Variants in CSMD1 observed in about 807,000 individuals in gnomAD.
CSMD1 encodes the protein CUB and sushi domain-containing protein 1.
CSMD1 carries 213 observed loss-of-function variants against 417.5 expected under a neutral mutation model. The observed-to-expected ratio is 0.51, with a 90% CI of 0.46 to 0.57. The LOEUF (loss-of-function observed/expected upper bound fraction) is 0.57. Among genes scored for constraint, CSMD1 ranks in the 20% least tolerant of loss-of-function variants. The pLI is 0.00. For missense variants in CSMD1, 6,923 were observed against 4,529.7 expected (o/e 1.53, Z -15.17); for synonymous variants, 2,862 against 1,736.8 (o/e 1.65, Z -16.11).
chr8:4,417,944 C>G (rs974114292), intron 3 of CSMD1, among the ~76,000 whole-genome samples: 1 of 152,046 alleles, frequency 6.6e-6, no homozygotes, highest in Non-Finnish European at 1.5e-5. Flanking sequence ...GCTATAAAAG[C>G]TCTCTTCTAC....
At chr8:3,175,330 C>G (rs1461908838) in intron 37 of CSMD1, among the ~76,000 whole-genome samples, 1 of 152,142 alleles carries the variant, frequency 6.6e-6, no homozygotes, top group Non-Finnish European at 1.5e-5. Flanking sequence ...CCACAAATCA[C>G]TGATTCAACC....
At chr8:3,825,553 G>C (rs1243747944) in intron 5 of CSMD1, among the ~76,000 whole-genome samples, 1 of 149,976 alleles carries the variant, frequency 6.7e-6, no homozygotes, top group Admixed American at 6.7e-5. Context: ...CAGGGGTGTG[G>C]GGCTGAGGGT....
intron 1 of CSMD1, among the ~76,000 whole-genome samples, chr8:4,641,954 A>AATCTACAGTTAATGTTGCAATACT (rs1563361633): frequency 6.6e-6 from 1 of 152,198 alleles, no homozygotes; most frequent in Non-Finnish European, 1.5e-5. Flanking sequence ...ACACTTTTCT[A>AATCTACAGTTAATGTTGCAATACT]ATCTACAGTT....
At chr8:4,959,698 G>A (rs1809350745) in intron 1 of CSMD1, among the ~76,000 whole-genome samples, 1 of 152,158 alleles carries the variant, frequency 6.6e-6, no homozygotes, top group Admixed American at 6.5e-5. Flanking sequence ...CCCTCCAATA[G>A]TTCTCTCAGT....
At chr8:3,280,219 G>A (rs561970331) in intron 26 of CSMD1, among the ~76,000 whole-genome samples, 154 of 152,296 alleles carry the variant, frequency 1.0e-3, no homozygotes, top group African/African-American at 3.7e-3. Context: ...AGAGAAAGTA[G>A]TAGATTTGGG....
chr8:4,408,760 G>A (rs1228395845), intron 3 of CSMD1, among the ~76,000 whole-genome samples: 4 of 152,122 alleles, frequency 2.6e-5, no homozygotes, highest in Admixed American at 2.0e-4. Flanking sequence ...TTGTGCAGGT[G>A]AGGCCATCAG....
At chr8:3,115,808 G>T (rs1297857845) in intron 42 of CSMD1, among the ~76,000 whole-genome samples, 1 of 152,100 alleles carries the variant, frequency 6.6e-6, no homozygotes, top group Non-Finnish European at 1.5e-5. Flanking sequence ...TATCTAAACT[G>T]GCCAATTTTT....
intron 1 of CSMD1, among the ~76,000 whole-genome samples, chr8:4,809,076 G>T (rs542534379): frequency 6.6e-6 from 1 of 152,150 alleles, no homozygotes; most frequent in African/African-American, 2.4e-5. Flanking sequence ...GCCTCTGGCT[G>T]CAGAATAAAA....
chr8:4,699,198 T>C (rs773153976), intron 1 of CSMD1, among the ~76,000 whole-genome samples: 2 of 152,206 alleles, frequency 1.3e-5, no homozygotes, highest in Non-Finnish European at 2.9e-5. Context: ...GCTAAGTATG[T>C]AAAGTTAATA....
chr8:3,969,171 A>C (rs1309537010), intron 5 of CSMD1, among the ~76,000 whole-genome samples: 1 of 152,104 alleles, frequency 6.6e-6, no homozygotes, highest in Non-Finnish European at 1.5e-5. Context: ...AATTGCTTGA[A>C]CCTGGGAGGC....
At chr8:3,459,087 G>T (rs1563058804) in intron 12 of CSMD1, among the ~76,000 whole-genome samples, 2 of 152,236 alleles carry the variant, frequency 1.3e-5, no homozygotes, top group African/African-American at 4.8e-5. Flanking sequence ...GAGAACGATG[G>T]ATGGGCACAG....
chr8:4,963,501 C>T (rs1809656674), intron 1 of CSMD1, among the ~76,000 whole-genome samples: 1 of 152,258 alleles, frequency 6.6e-6, no homozygotes, highest in Non-Finnish European at 1.5e-5. Context: ...TGCCTGGCCC[C>T]TCATTCACTT....
intron 3 of CSMD1, among the ~76,000 whole-genome samples, chr8:4,348,179 T>A (rs1800883188): frequency 6.6e-6 from 1 of 152,178 alleles, no homozygotes; most frequent in African/African-American, 2.4e-5. Flanking sequence ...GCATATGATC[T>A]CTGGATATGG....
intron 5 of CSMD1, among the ~76,000 whole-genome samples, chr8:3,839,107 AT>A (rs1563132744): frequency 7.9e-6 from 1 of 127,212 alleles, no homozygotes; most frequent in Non-Finnish European, 1.6e-5. Context: ...TAGCCTATAT[AT>A]ATAGTCTATA....
chr8:3,234,345 C>G (rs1027376663), intron 26 of CSMD1, among the ~76,000 whole-genome samples: 1 of 152,178 alleles, frequency 6.6e-6, no homozygotes, highest in Non-Finnish European at 1.5e-5. Context: ...TGTAATACTG[C>G]AAACGGAAGC....
chr8:3,033,749 C>A (rs953639624), intron 50 of CSMD1, among the ~76,000 whole-genome samples: 12 of 152,046 alleles, frequency 7.9e-5, no homozygotes, highest in African/African-American at 2.9e-4. Context: ...ACATGATTCC[C>A]AGAACTTAAA....
chr8:4,349,333 G>C (rs538351445), intron 3 of CSMD1, among the ~76,000 whole-genome samples: 1 of 152,294 alleles, frequency 6.6e-6, no homozygotes, highest in African/African-American at 2.4e-5. Flanking sequence ...ACAGAATTGA[G>C]TATAAGATGT....
chr8:3,012,112 T>A (rs1015336494), intron 52 of CSMD1, among the ~76,000 whole-genome samples: 1 of 152,300 alleles, frequency 6.6e-6, no homozygotes, highest in East Asian at 1.9e-4. Flanking sequence ...AGTGATCGTG[T>A]TGATGAAGGT....
chr8:4,058,466 C>A (rs1798810006), intron 3 of CSMD1, among the ~76,000 whole-genome samples: 1 of 152,144 alleles, frequency 6.6e-6, no homozygotes, highest in Non-Finnish European at 1.5e-5. Flanking sequence ...GATACACAAT[C>A]ACGTCATCTG....
Sources: allele counts gnomAD v4.1 joint callset (sites outside exome capture counted in the v4.1 genomes callset), GRCh38; gene constraint gnomAD v4.1.1; transcripts MANE v1.5; gene names NCBI Gene and HGNC (gene_info 2026-07-23, HGNC 2026-07-21).